The following RARA variants were observed in gnomAD, a reference collection of about 807,000 sequenced individuals.
RARA encodes the protein PML-DDX5-RARA fusion.
Under a neutral mutation model 42.8 loss-of-function variants are expected in RARA, and 5 were observed. The observed-to-expected ratio is 0.12, with a 90% CI of 0.06 to 0.25. The LOEUF is 0.25. Among genes scored for constraint, RARA ranks in the 10% least tolerant of loss-of-function variants. The probability of loss-of-function intolerance (pLI) is 1.00; values close to 1 mark genes in which losing one functional copy is unlikely to be tolerated. For missense variants in RARA, 402 were observed against 628.7 expected, an observed-to-expected ratio of 0.64 and a Z score of 3.86; for synonymous variants, 256 against 259.5, an observed-to-expected ratio of 0.99 and a Z score of 0.13.
At chr17:40,343,060 TTG>T (rs2034131193) in intron 2 of RARA, 1 of 1,160,162 alleles carries the variant, frequency 8.6e-7, no homozygotes, top group African/African-American at 1.6e-5. Context: ...TAAGTGCAAT[TTG>T]TGTTAGATTA....
At position 40,357,334 on chromosome 17, in the gene RARA, GCA is replaced by G. The variant is rs536023561; in HGVS notation, c.*1117_*1118del. On this transcript the variant is annotated 3_prime_UTR_variant, in exon 9 of 9. Transcript: ENST00000254066. ...CCAGACACCACACACATGCGCGTGC[GCA>G]CACACACAAACACACACACACTGGA... The G allele has an allele frequency of 1.3e-4, 31 of 234,144 alleles. No homozygotes were observed. The highest frequency in any genetic ancestry group is 3.6e-4 in the East Asian group (6 of 16,520). 14.5% of individuals were successfully genotyped at this position (234,144 alleles called of 1,614,324 possible). A position where few individuals can be genotyped will look rare whatever the true frequency, so the allele number is the denominator to read the frequency against.
chr17:40,351,964 C>G lies in RARA; in HGVS notation c.524C>G (p.Ser175Cys). 6.2e-7 allele frequency: 1 copy of G among 1,611,354 alleles called. No homozygotes were observed. The highest frequency in any genetic ancestry group is 8.5e-7 in the Non-Finnish European group (1 of 1,179,098). Residue 175 changes from serine to cysteine, a missense_variant, in exon 5 of 9, where the codon TCT becomes TGT. Physicochemically the swap from Ser to Cys is moderately radical, Grantham distance 112 (BLOSUM62 -1). Transcript: ENST00000254066. The surrounding 1 kb of genome is among the most constrained non-coding windows in gnomAD (Gnocchi z 4.1). ...AAGGAGGTGCCCAAGCCCGAGTGCT[C>G]TGAGAGCTACACGCTGACGCCGGAG... ...KKKEVPKPEC[S>C]ESYTLTPEVG...
chr17:40,318,427 G>A (rs1342443215), intron 1 of RARA: 3 of 152,310 alleles, frequency 2.0e-5, no homozygotes, highest in African/African-American at 7.2e-5. Flanking sequence ...CACCCCGAAC[G>A]GGTTGCTTCC....
chr17:40,353,608 C>T (rs1361283899), intron 6 of RARA, among the ~76,000 whole-genome samples: 1 of 152,212 alleles, frequency 6.6e-6, no homozygotes, highest in African/African-American at 2.4e-5. Flanking sequence ...AGGCACCCGC[C>T]ACCACACCCG....
chr17:40,328,818 T>G (rs541799729), intron 1 of RARA, among the ~76,000 whole-genome samples: 1 of 152,350 alleles, frequency 6.6e-6, no homozygotes, highest in Non-Finnish European at 1.5e-5. Context: ...CGTCAGTTGA[T>G]GGACTTTTGG....
rs1403898124 is a variant in RARA, at chr17:40,356,141, G to A, written c.1304G>A (p.Gly435Asp). 2 of 1,553,710 alleles carry A rather than the reference G, an allele frequency of 1.3e-6. No individual in the cohort carries two copies. Among genetic ancestry groups the A allele is most frequent in the South Asian group, 1.2e-5 (1 of 84,816 alleles). Residue 435 changes from glycine (G) to aspartate (D), a missense_variant, in exon 9 of 9, where the codon GGT becomes GAT. Coordinates refer to ENST00000254066, the MANE Select transcript of RARA (RefSeq NM_000964.4). ...GQPGGGGRDG[G>D]GLAPPPGSCS... ...CCGGGGGGTGGGGGGCGGGACGGGG[G>A]TGGCCTGGCCCCCCCGCCAGGCAGC...
intron 2 of RARA, among the ~76,000 whole-genome samples, chr17:40,334,653 A>G (rs939311217): frequency 2.0e-5 from 3 of 152,154 alleles, no homozygotes; most frequent in Admixed American, 1.3e-4. Flanking sequence ...GTGGCAATCC[A>G]TGGTCCTCCA....
At chr17:40,348,989 GCCCGGCTTCT>G (rs2034359283) in intron 3 of RARA, 1 of 155,034 alleles carries the variant, frequency 6.5e-6, no homozygotes, top group Non-Finnish European at 1.5e-5. Flanking sequence ...GCAGCCCTGC[GCCCGGCTTCT>G]CCTCCTTTCC....
In RARA at chr17:40,356,671, G is replaced by T; in HGVS notation, c.*445G>T. ...GGTTGGTGACAGAGGGGGTGGGACA[G>T]GGGCGGGGGGTTCCCCCTGTACATA... On this transcript the variant is annotated 3_prime_UTR_variant, in exon 9 of 9. Transcript: ENST00000254066. 1.9e-6 allele frequency: 1 copy of T among 539,032 alleles called. No individual in the cohort carries two copies. The allele number at this position is 539,032 out of a possible 1,614,324, so 33.4% of individuals were successfully genotyped here. A position where few individuals can be genotyped will look rare whatever the true frequency, so the allele number is the denominator to read the frequency against.
chr17:40,315,152 A>ATG (rs1294071627), intron 1 of RARA, among the ~76,000 whole-genome samples: 1 of 131,924 alleles, frequency 7.6e-6, no homozygotes, highest in Non-Finnish European at 1.6e-5. Flanking sequence ...ATATATATAT[A>ATG]TATATATATA....
In RARA at chr17:40,331,338, T is replaced by C. The variant is rs766250061; in HGVS notation, c.120T>C (p.Ala40=). 1.2e-6 allele frequency: 2 copies of C among 1,614,018 alleles called. No individual in the cohort carries two copies. The highest frequency in any genetic ancestry group is 1.7e-6 in the Non-Finnish European group (2 of 1,179,962). Residue 40 remains alanine (A), a synonymous_variant, in exon 2 of 9, where the codon GCT becomes GCC. Transcript: ENST00000254066. ...PMLGGLSPPG[A]LTTLQHQLPV... ...TGGGTGGACTCTCCCCGCCAGGCGC[T>C]CTGACCACTCTCCAGCACCAGCTTC...
In RARA at chr17:40,355,804, G is replaced by T. The variant is rs2034603778; in HGVS notation, c.1172-205G>T. ...CCCAGGCCGGCAGTCTGGCCCTGGA[G>T]CCGGAGTTCGGGACCACTTTGCCCC... On this transcript the variant is annotated intron_variant, in intron 8 of 8. Coordinates refer to ENST00000254066, the MANE Select transcript of RARA (RefSeq NM_000964.4). The surrounding 1 kb of genome is among the most constrained non-coding windows in gnomAD (Gnocchi z 4.1). Among the ~76,000 whole-genome samples the T allele has an allele frequency of 6.6e-6, 1 of 152,268 alleles. No individual in the cohort carries two copies. Among genetic ancestry groups the T allele is most frequent in the South Asian group, 2.1e-4 (1 of 4,836 alleles).
At position 40,345,741 on chromosome 17, in the gene RARA, C is replaced by T. The variant is rs1386737669; in HGVS notation, c.179-2575C>T. On this transcript the variant is annotated intron_variant, in intron 2 of 8. Coordinates refer to ENST00000254066, the MANE Select transcript of RARA (RefSeq NM_000964.4). The surrounding 1 kb of genome is among the most constrained non-coding windows in gnomAD (Gnocchi z 4.8). Reference sequence around the variant, plus strand: ...GGGAGGTTAGCAGGGATGGGCCAGGCCCGGGCAGTCCCTCCCCCGTTGGTG... The same window carrying T: ...GGGAGGTTAGCAGGGATGGGCCAGGTCCGGGCAGTCCCTCCCCCGTTGGTG... Among the ~76,000 whole-genome samples, 1 of 152,188 alleles carries T rather than the reference C, an allele frequency of 6.6e-6. No homozygotes were observed. The highest frequency in any genetic ancestry group is 1.5e-5 in the Non-Finnish European group (1 of 68,030).
chr17:40,323,815 A>C (rs1327523208), intron 1 of RARA, among the ~76,000 whole-genome samples: 2 of 95,034 alleles, frequency 2.1e-5, no homozygotes, highest in Non-Finnish European at 3.9e-5. Context: ...AGCCAAAAGG[A>C]TATCCTGAGG....
chr17:40,344,729 G>C (rs1598572485), intron 2 of RARA, among the ~76,000 whole-genome samples: 1 of 152,220 alleles, frequency 6.6e-6, no homozygotes, highest in Non-Finnish European at 1.5e-5. Flanking sequence ...GAGCGTGGGT[G>C]TGCATATATA....
At position 40,356,141 on chromosome 17, in the gene RARA, G is replaced by T. The variant is rs1403898124; in HGVS notation, c.1304G>T (p.Gly435Val). Residue 435 changes from glycine to valine, a missense_variant, in exon 9 of 9, where the codon GGT becomes GTT. Physicochemically the swap from Gly to Val is moderately radical, Grantham distance 109 (BLOSUM62 -3). This residue lies in a region of RARA where 73 missense variants were observed against 59.8 expected (regional missense o/e 1.22). Transcript: ENST00000254066. ...GQPGGGGRDG[G>V]GLAPPPGSCS... ...CCGGGGGGTGGGGGGCGGGACGGGGGTGGCCTGGCCCCCCCGCCAGGCAGC... is the reference window on the plus strand; with the variant it reads ...CCGGGGGGTGGGGGGCGGGACGGGGTTGGCCTGGCCCCCCCGCCAGGCAGC... 1 of 1,553,710 alleles carries T rather than the reference G, an allele frequency of 6.4e-7. No individual in the cohort carries two copies. The highest frequency in any genetic ancestry group is 8.7e-7 in the Non-Finnish European group (1 of 1,147,590).
At chr17:40,349,681 G>T in intron 3 of RARA, 103 bp from the exon 4 acceptor site, 1 of 1,463,242 alleles carries the variant, frequency 6.8e-7, no homozygotes, top group Non-Finnish European at 9.3e-7. Context: ...AAACGCTTGG[G>T]GGCAGCAGCT....
chr17:40,315,604 C>G (rs1210195187), intron 1 of RARA, among the ~76,000 whole-genome samples: 1 of 152,016 alleles, frequency 6.6e-6, no homozygotes, highest in Non-Finnish European at 1.5e-5. Context: ...CTTGGAGGGC[C>G]AATTGCTTCT....
chr17:40,351,184 A>ATGGGG lies in RARA; in HGVS notation c.470-724_470-723insGGGTG, dbSNP rs1005449517. Among the ~76,000 whole-genome samples the ATGGGG allele has an allele frequency of 6.6e-6, 1 of 150,442 alleles. No individual in the cohort carries two copies. The highest frequency in any genetic ancestry group is 1.5e-5 in the Non-Finnish European group (1 of 67,638). On this transcript the variant is annotated intron_variant, in intron 4 of 8. Coordinates refer to ENST00000254066, the MANE Select transcript of RARA (RefSeq NM_000964.4). The surrounding 1 kb of genome is among the most constrained non-coding windows in gnomAD (Gnocchi z 4.1). ...ACTTTATTGAATTTGCAGAATCGAC[A>ATGGGG]TGAGTGATCTCCAAATTATGCCAGC...
Sources: allele counts gnomAD v4.1 joint callset (sites outside exome capture counted in the v4.1 genomes callset), GRCh38; gene constraint gnomAD v4.1.1; regional missense constraint gnomAD v4.1.1; non-coding constraint Gnocchi (gnomAD v3.1); transcripts MANE v1.5; gene names NCBI Gene and HGNC (gene_info 2026-07-23, HGNC 2026-07-21).